The following MYOCD variants were observed in gnomAD, a reference collection of about 807,000 sequenced individuals.
The protein encoded by MYOCD is myocardin.
MYOCD carries 32 observed loss-of-function variants against 96.1 expected under a neutral mutation model. That is an observed-to-expected ratio of 0.33 (90% CI 0.25 to 0.45). MYOCD has a LOEUF of 0.45. Among genes scored for constraint, MYOCD ranks in the 20% least tolerant of loss-of-function variants. The probability of loss-of-function intolerance (pLI) is 1.00; values close to 1 mark genes in which losing one functional copy is unlikely to be tolerated. For missense variants in MYOCD, 1,133 were observed against 1,200.6 expected (o/e 0.94, Z 0.83); for synonymous variants, 469 against 469.0 (o/e 1.00, Z 0.00).
Position 12,738,653 on chromosome 17 carries a change from T to TAC in MYOCD, c.592-539_592-538dup, listed in dbSNP as rs927012438. On this transcript the variant is annotated intron_variant, in intron 6 of 13. Transcript: ENST00000425538. ...AAACACTCAGACACACACTTGGAGA[T>TAC]ACACACACACACTTCCAAACACACA... is the stretch of plus-strand genomic sequence containing the variant. Among the ~76,000 whole-genome samples, 68 of 151,886 alleles carry TAC rather than the reference T, an allele frequency of 4.5e-4. No individual in the cohort carries two copies. The East Asian group carries it at 6.4e-3, about 14-fold the overall frequency.
chr17:12,736,663 G>T (rs975072376), intron 6 of MYOCD, among the ~76,000 whole-genome samples: 5 of 152,056 alleles, frequency 3.3e-5, no homozygotes, highest in Non-Finnish European at 5.9e-5. Flanking sequence ...TGGATGACTC[G>T]CCAACAATCT....
intron 1 of MYOCD, among the ~76,000 whole-genome samples, chr17:12,697,890 G>C (rs2030856140): frequency 6.6e-6 from 1 of 152,160 alleles, no homozygotes; most frequent in Admixed American, 6.5e-5. Flanking sequence ...TTTAATAAGT[G>C]GCAGTTATAT....
chr17:12,693,298 AAAAC>A lies in MYOCD; in HGVS notation c.56-11814_56-11811del, dbSNP rs200407766. Among the ~76,000 whole-genome samples, 19 of 152,118 alleles carry A rather than the reference AAAAC, an allele frequency of 1.2e-4. 1 individual carries two copies. Among genetic ancestry groups the A allele is most frequent in the South Asian group, 2.1e-4 (1 of 4,806 alleles). ...TGTCGTGGGACATTTATGTTTTTTT[AAAAC>A]AAACAAACAAACAAAAAAAACCATA... On this transcript the variant is annotated intron_variant, in intron 1 of 13. Coordinates refer to ENST00000425538, the MANE Select transcript of MYOCD (RefSeq NM_001146312.3).
intron 5 of MYOCD, among the ~76,000 whole-genome samples, chr17:12,727,813 C>A (rs1032241424): frequency 4.6e-5 from 7 of 152,208 alleles, no homozygotes. Flanking sequence ...ATCCCTCTTG[C>A]AGTCAGCTGG....
chr17:12,676,847 GA>G (rs1910090892), intron 1 of MYOCD, among the ~76,000 whole-genome samples: 1 of 152,134 alleles, frequency 6.6e-6, no homozygotes, highest in African/African-American at 2.4e-5. Context: ...TTGATTGTAT[GA>G]TATGAACTCG....
Position 12,710,022 on chromosome 17 carries a change from A to G in MYOCD, c.121+4829A>G, listed in dbSNP as rs549309400. ...TCTTTATTAATCCTCTGCTGTGAGA[A>G]AGGCTCTGGGGAACACACACAGAGA... On this transcript the variant is annotated intron_variant, in intron 2 of 13. Transcript: ENST00000425538. 2.6e-5 allele frequency among the ~76,000 whole-genome samples: 4 copies of G among 152,328 alleles called. No homozygotes were observed. The East Asian group carries it at 5.8e-4, about 22-fold the overall frequency.
intron 1 of MYOCD, among the ~76,000 whole-genome samples, chr17:12,682,081 T>A (rs1757606456): frequency 6.6e-6 from 1 of 152,184 alleles, no homozygotes; most frequent in South Asian, 2.1e-4. Flanking sequence ...CCGACGCAGA[T>A]AACCAGGTCT....
chr17:12,693,314 C>CA (rs1012324610), intron 1 of MYOCD, among the ~76,000 whole-genome samples: 8 of 151,230 alleles, frequency 5.3e-5, no homozygotes, highest in East Asian at 1.9e-4. Flanking sequence ...AACAAACAAA[C>CA]AAAAAAAACC....
chr17:12,725,294 T>G (rs1190774217), intron 5 of MYOCD, among the ~76,000 whole-genome samples: 1 of 151,198 alleles, frequency 6.6e-6, no homozygotes, highest in Non-Finnish European at 1.5e-5. Context: ...ATTAGCATAT[T>G]ATAGAATTAA....
At chr17:12,760,261 C>T in intron 12 of MYOCD, 1 of 244,688 alleles carries the variant, frequency 4.1e-6, no homozygotes, top group South Asian at 6.0e-5. Context: ...AGAATAAATA[C>T]TGTACGATTC....
intron 9 of MYOCD, 115 bp from the exon 10 acceptor site, chr17:12,752,299 A>G (rs1203968476): frequency 1.4e-5 from 12 of 846,106 alleles, no homozygotes; most frequent in African/African-American, 3.4e-5. Flanking sequence ...AGTATAAAAA[A>G]GAGGTGGGTA....
At chr17:12,754,240 G>T (rs2032947614) in intron 10 of MYOCD, among the ~76,000 whole-genome samples, 1 of 152,286 alleles carries the variant, frequency 6.6e-6, no homozygotes, top group East Asian at 1.9e-4. Context: ...GAGTAGCTGG[G>T]ACTACAGGCG....
At chr17:12,744,480 G>A in intron 8 of MYOCD, 44 bp downstream of exon 8, 3 of 1,555,832 alleles carry the variant, frequency 1.9e-6, no homozygotes, top group Admixed American at 1.9e-5. Context: ...GCAGAGGTTG[G>A]GAAGGGTGTC....
intron 7 of MYOCD, among the ~76,000 whole-genome samples, chr17:12,742,497 C>T (rs1417012305): frequency 2.0e-5 from 3 of 152,106 alleles, no homozygotes; most frequent in Admixed American, 6.5e-5. Context: ...AATGTTCCCC[C>T]AAATCCTAGC....
rs937415535 is a variant in MYOCD, at chr17:12,685,343, G to A, written c.55+19100G>A. Reference sequence around the variant, plus strand: ...AGAGGGGCTGGGCACAGTGGCTCACGCCTGTAATCCCAGCAATTTGGGAGG... The same window carrying A: ...AGAGGGGCTGGGCACAGTGGCTCACACCTGTAATCCCAGCAATTTGGGAGG... On this transcript the variant is annotated intron_variant, in intron 1 of 13. Coordinates refer to ENST00000425538, the MANE Select transcript of MYOCD (RefSeq NM_001146312.3). Among the ~76,000 whole-genome samples the A allele has an allele frequency of 2.1e-4, 32 of 152,024 alleles. No individual in the cohort carries two copies. The South Asian group carries it at 6.5e-3, about 31-fold the overall frequency.
chr17:12,689,486 A>G (rs2030334759), intron 1 of MYOCD, among the ~76,000 whole-genome samples: 1 of 152,256 alleles, frequency 6.6e-6, no homozygotes, highest in African/African-American at 2.4e-5. Context: ...TATGACAAAC[A>G]ATATATCTAA....
intron 2 of MYOCD, among the ~76,000 whole-genome samples, chr17:12,714,932 G>C (rs922726830): frequency 1.3e-5 from 2 of 152,156 alleles, no homozygotes; most frequent in Non-Finnish European, 2.9e-5. Context: ...TCCCCATTCT[G>C]TTCACGGTTG....
At chr17:12,714,362 C>CACACACACACACACACACACACACA (rs1597772908) in intron 2 of MYOCD, among the ~76,000 whole-genome samples, 1 of 147,638 alleles carries the variant, frequency 6.8e-6, no homozygotes, top group Non-Finnish European at 1.5e-5. Context: ...CACACACACA[C>CACACACACACACACACACACACACA]CCCGATCTGG....
chr17:12,750,571 C>T (rs980326134), intron 9 of MYOCD, among the ~76,000 whole-genome samples: 1 of 152,024 alleles, frequency 6.6e-6, no homozygotes, highest in African/African-American at 2.4e-5. Flanking sequence ...TGCCTGTAAT[C>T]CCAGCTACTC....
Sources: allele counts gnomAD v4.1 joint callset (sites outside exome capture counted in the v4.1 genomes callset), GRCh38; gene constraint gnomAD v4.1.1; transcripts MANE v1.5; gene names NCBI Gene and HGNC (gene_info 2026-07-23, HGNC 2026-07-21).